The following CAMK1D variants were observed in gnomAD, a reference collection of about 807,000 sequenced individuals.
CAMK1D encodes the protein calcium/calmodulin-dependent protein kinase type 1D.
Under a neutral mutation model 47.7 loss-of-function variants are expected in CAMK1D, and 9 were observed. The ratio of observed to expected loss-of-function variants is 0.19; its 90% CI spans 0.11 to 0.33. The LOEUF is 0.33. Among genes scored for constraint, CAMK1D ranks in the 10% least tolerant of loss-of-function variants. CAMK1D has a pLI of 1.00. For missense variants in CAMK1D, 291 were observed against 488.7 expected (o/e 0.60, Z 3.81); for synonymous variants, 184 against 184.9 (o/e 0.99, Z 0.04).
chr10:12,671,207 T>C (rs147181033), intron 3 of CAMK1D, among the ~76,000 whole-genome samples: 211 of 152,364 alleles, frequency 1.4e-3, no homozygotes, highest in African/African-American at 4.6e-3. Flanking sequence ...TTTCAGTTGA[T>C]GGACATTTAG....
chr10:12,791,842 A>C (rs754993763), intron 6 of CAMK1D, among the ~76,000 whole-genome samples: 7 of 152,192 alleles, frequency 4.6e-5, no homozygotes, highest in Non-Finnish European at 7.3e-5. Context: ...CTAGAAGTGG[A>C]ATTGCTGGGC....
rs1564524044 is a variant in CAMK1D, at chr10:12,734,359, TATATATATATATATATATAG to T, written c.300-26583_300-26564del. On this transcript the variant is annotated intron_variant, in intron 3 of 10. Coordinates refer to ENST00000619168, the MANE Select transcript of CAMK1D (RefSeq NM_153498.4). ...AAAAAAAAAAAAATATATATATATA[TATATATATATATATATATAG>T]ATATAGATATAGATATATATATATA... Among the ~76,000 whole-genome samples, 10 of 4,892 alleles carry T rather than the reference TATATATATATATATATATAG, an allele frequency of 2.0e-3. 1 individual carries two copies. Among genetic ancestry groups the T allele is most frequent in the African/African-American group, 6.2e-3 (10 of 1,624 alleles). The allele number at this position is 4,892 out of a possible 152,430, so 3.2% of individuals were successfully genotyped here. A position where few individuals can be genotyped will look rare whatever the true frequency, so the allele number is the denominator to read the frequency against.
chr10:12,639,055 C>G (rs1001358295), intron 2 of CAMK1D, among the ~76,000 whole-genome samples: 3 of 152,146 alleles, frequency 2.0e-5, no homozygotes, highest in African/African-American at 4.8e-5. Context: ...ATTCCTGGGC[C>G]GTGGAAAGTG....
At chr10:12,762,898 AG>A (rs1335730839) in intron 4 of CAMK1D, among the ~76,000 whole-genome samples, 1 of 152,176 alleles carries the variant, frequency 6.6e-6, no homozygotes, top group Non-Finnish European at 1.5e-5. Flanking sequence ...CAGAACACAT[AG>A]GCAGCTCTCT....
chr10:12,383,768 A>G (rs536680024), intron 1 of CAMK1D, among the ~76,000 whole-genome samples: 62 of 152,252 alleles, frequency 4.1e-4, no homozygotes, highest in Non-Finnish European at 7.8e-4. Flanking sequence ...ATGGAGAAAG[A>G]ATGAACGCTT....
intron 2 of CAMK1D, among the ~76,000 whole-genome samples, chr10:12,604,174 C>T (rs1373619011): frequency 1.3e-5 from 2 of 152,240 alleles, no homozygotes; most frequent in East Asian, 1.9e-4. Flanking sequence ...GGGACCCGTT[C>T]TTATGTATCT....
At chr10:12,406,654 C>T (rs192426350) in intron 1 of CAMK1D, among the ~76,000 whole-genome samples, 89 of 128,214 alleles carry the variant, frequency 6.9e-4, no homozygotes, top group African/African-American at 2.4e-3. Context: ...GCCGGGGAGG[C>T]GGAGGTTGCA....
At chr10:12,352,222 T>C (rs1433899280) in intron 1 of CAMK1D, among the ~76,000 whole-genome samples, 1 of 152,376 alleles carries the variant, frequency 6.6e-6, no homozygotes, top group East Asian at 1.9e-4. Context: ...CATACAGGGT[T>C]GACACACTTT....
chr10:12,533,739 A>G (rs374125614), intron 1 of CAMK1D, among the ~76,000 whole-genome samples: 11 of 152,346 alleles, frequency 7.2e-5, no homozygotes, highest in African/African-American at 2.6e-4. Flanking sequence ...GTGTTCTGAC[A>G]TGGCATAAAT....
intron 1 of CAMK1D, among the ~76,000 whole-genome samples, chr10:12,504,251 T>G (rs1053643927): frequency 1.1e-4 from 13 of 117,898 alleles, no homozygotes; most frequent in African/African-American, 4.5e-4. Flanking sequence ...CACACACACA[T>G]CTAGGAGCTG....
intron 5 of CAMK1D, among the ~76,000 whole-genome samples, chr10:12,777,097 C>T (rs1196891891): frequency 6.6e-6 from 1 of 152,012 alleles, no homozygotes; most frequent in Non-Finnish European, 1.5e-5. Flanking sequence ...TTTATGGCTG[C>T]GTTTTAAAGC....
chr10:12,451,762 G>T (rs1372220980), intron 1 of CAMK1D, among the ~76,000 whole-genome samples: 1 of 146,776 alleles, frequency 6.8e-6, no homozygotes, highest in Non-Finnish European at 1.5e-5. Context: ...CTTGAGGATG[G>T]TTATGTGTTT....
At chr10:12,686,417 G>A (rs538163373) in intron 3 of CAMK1D, among the ~76,000 whole-genome samples, 80 of 152,210 alleles carry the variant, frequency 5.3e-4, no homozygotes, top group South Asian at 8.3e-4. Context: ...CGCCTCCCAA[G>A]TTCAAGCGAT....
At chr10:12,581,186 G>T (rs1382262648) in intron 2 of CAMK1D, among the ~76,000 whole-genome samples, 1 of 152,104 alleles carries the variant, frequency 6.6e-6, no homozygotes, top group Non-Finnish European at 1.5e-5. Context: ...ATGGTCTCCA[G>T]TTCCATCCAG....
chr10:12,387,452 TATA>T (rs1342195739), intron 1 of CAMK1D, among the ~76,000 whole-genome samples: 33 of 122,454 alleles, frequency 2.7e-4, no homozygotes, highest in Middle Eastern at 3.9e-3. Flanking sequence ...ATTTTATATA[TATA>T]TATATATATA....
chr10:12,734,379 G>A (rs11813396), intron 3 of CAMK1D, among the ~76,000 whole-genome samples: 3 of 45,556 alleles, frequency 6.6e-5, no homozygotes, highest in African/African-American at 2.9e-4. Flanking sequence ...TATATATATA[G>A]ATATAGATAT....
intron 5 of CAMK1D, among the ~76,000 whole-genome samples, chr10:12,773,506 A>C (rs747837274): frequency 1.1e-4 from 17 of 152,180 alleles, no homozygotes; most frequent in Non-Finnish European, 2.2e-4. Context: ...TATTTGTATT[A>C]TTTGTATTGT....
intron 1 of CAMK1D, among the ~76,000 whole-genome samples, chr10:12,388,778 C>T (rs1160379122): frequency 3.9e-5 from 6 of 152,104 alleles, no homozygotes; most frequent in Non-Finnish European, 8.8e-5. Context: ...TGTGGCAATG[C>T]GAGGTTTGTC....
intron 6 of CAMK1D, among the ~76,000 whole-genome samples, chr10:12,798,122 G>A (rs1038585156): frequency 2.6e-5 from 4 of 152,224 alleles, no homozygotes; most frequent in Admixed American, 6.5e-5. Context: ...GCTCACAGCC[G>A]TCACTTTTGT....
Sources: gnomAD v4.1 joint callset for allele counts (sites outside exome capture counted in the v4.1 genomes callset) on GRCh38, gnomAD v4.1.1 for gene constraint, MANE v1.5 for transcripts, NCBI Gene and HGNC (gene_info 2026-07-23, HGNC 2026-07-21) for gene names.